USP33: variants seen among roughly 807,000 people sequenced by gnomAD.
The protein encoded by USP33 is ubiquitin specific peptidase 33, also known as ubiquitin carboxyl-terminal hydrolase 33.
In USP33, 46 loss-of-function variants were observed where a neutral mutation model predicts 124.2. The ratio of observed to expected loss-of-function variants is 0.37; its 90% CI spans 0.29 to 0.47. USP33 has a LOEUF of 0.47. Ranked by LOEUF, USP33 falls within the 20% of genes least tolerant of loss-of-function variation. USP33 has a pLI of 0.99. For synonymous variants in USP33, 350 were observed against 352.3 expected, an observed-to-expected ratio of 0.99 and a Z score of 0.07; for missense variants, 851 against 1,070.6, an observed-to-expected ratio of 0.79 and a Z score of 2.86.
Position 77,747,240 on chromosome 1 carries a change from CTTTTTT to C in USP33, c.-51-5498_-51-5493del, listed in dbSNP as rs752560478. Among the ~76,000 whole-genome samples the C allele has an allele frequency of 1.6e-4, 17 of 103,862 alleles. No homozygotes were observed. In the East Asian group the frequency reaches 2.1e-3, roughly 13 times the overall value. 68.1% of individuals were successfully genotyped at this position (103,862 alleles called of 152,430 possible). A position where few individuals can be genotyped will look rare whatever the true frequency, so the allele number is the denominator to read the frequency against. ...AAGGATTTATTTCTGGGCTTCTGGG[CTTTTTT>C]TTTTTTTTTTTTTTTTAAAGAGATG... On this transcript the variant is annotated intron_variant, in intron 1 of 23. Transcript: ENST00000370794.
chr1:77,711,681 T>C, intron 21 of USP33, 66 bp downstream of exon 21: 2 of 1,566,630 alleles, frequency 1.3e-6, no homozygotes, highest in Non-Finnish European at 1.7e-6. Context: ...TAATATCATA[T>C]AACTCTGATA....
Position 77,711,855 on chromosome 1 carries a change from C to A in USP33, c.2298G>T (p.Arg766Ser), listed in dbSNP as rs763038441. The A allele has an allele frequency of 6.3e-7, 1 of 1,585,486 alleles. No individual in the cohort carries two copies. The highest frequency in any genetic ancestry group is 8.5e-7 in the Non-Finnish European group (1 of 1,172,334). The change falls in exon 21 of 24, where the codon AGG becomes AGT. Residue 766 changes from arginine to serine, a missense_variant and splice_region_variant. Physicochemically the swap from Arg to Ser is moderately radical, Grantham distance 110. Transcript: ENST00000370794. ...PQNIWDNLYS[R>S]YGGGPAVNHL... ...GGTTGACAGCTGGTCCTCCACCATA[C>A]CTAAAGCATGAAAAATTTAAGAATT...
At chr1:77,754,746 A>C (rs986504372) in intron 1 of USP33, among the ~76,000 whole-genome samples, 1 of 152,242 alleles carries the variant, frequency 6.6e-6, no homozygotes, top group African/African-American at 2.4e-5. Flanking sequence ...AATTAATGAG[A>C]GCCTTAAGGC....
chr1:77,733,111 C>T lies in USP33; in HGVS notation c.524+1236G>A, dbSNP rs375466915. 3.3e-5 allele frequency among the ~76,000 whole-genome samples: 5 copies of T among 151,582 alleles called. No homozygotes were observed. The East Asian group carries it at 7.9e-4, about 24-fold the overall frequency. The stretch of plus-strand genomic sequence containing the variant: ...CCTGGCCTAAATGTCTCTTCTTTAA[C>T]GTCCGAGCACAGTGGCCCATGCCTA... On this transcript the variant is annotated intron_variant, in intron 7 of 23. Coordinates refer to ENST00000370794, the MANE Select transcript of USP33 (RefSeq NM_201624.3).
intron 20 of USP33, 41 bp downstream of exon 20, chr1:77,713,159 C>T (rs749833338): frequency 1.6e-5 from 24 of 1,540,708 alleles, no homozygotes; most frequent in Middle Eastern, 1.7e-4. Flanking sequence ...CCAGTTTAAC[C>T]GACTTTCACA....
At chr1:77,730,091 A>G (rs1246534768) in intron 8 of USP33, among the ~76,000 whole-genome samples, 153 bp from the exon 9 acceptor site, 1 of 152,252 alleles carries the variant, frequency 6.6e-6, no homozygotes. Flanking sequence ...TCACAGGCAC[A>G]TCAGAACACC....
chr1:77,711,001 C>T (rs1451318130), intron 21 of USP33, among the ~76,000 whole-genome samples: 2 of 152,214 alleles, frequency 1.3e-5, no homozygotes, highest in African/African-American at 4.8e-5. Context: ...AATTAAGGGA[C>T]ACCTCATAAT....
intron 1 of USP33, among the ~76,000 whole-genome samples, chr1:77,756,666 C>A (rs927725502): frequency 1.3e-5 from 2 of 152,180 alleles, no homozygotes; most frequent in South Asian, 4.1e-4. Context: ...GGCAGTTATA[C>A]AAAAATCTCC....
intron 15 of USP33, among the ~76,000 whole-genome samples, chr1:77,718,926 C>CAAAA (rs1049500513): frequency 7.6e-4 from 39 of 51,104 alleles, no homozygotes; most frequent in South Asian, 1.5e-3. Flanking sequence ...GACCCTGCCT[C>CAAAA]AAAAAAAAAA....
chr1:77,727,359 C>T lies in USP33; in HGVS notation c.1135+936G>A, dbSNP rs181539627. On this transcript the variant is annotated intron_variant, in intron 10 of 23. Transcript: ENST00000370794. ...TGAGTATGTCCCTAATCAGGCTTAA[C>T]TGGGCTTTTGACAAGAAAAGCCTGG... Among the ~76,000 whole-genome samples the T allele has an allele frequency of 4.5e-4, 69 of 152,292 alleles. 1 individual carries two copies. Among genetic ancestry groups the T allele is most frequent in the Non-Finnish European group, 5.9e-5 (4 of 68,030 alleles).
At chr1:77,712,449 G>A (rs1223934550) in intron 20 of USP33, among the ~76,000 whole-genome samples, 1 of 152,086 alleles carries the variant, frequency 6.6e-6, no homozygotes, top group Admixed American at 6.5e-5. Flanking sequence ...CTTGAAACTG[G>A]GAGGCAGAGG....
Position 77,700,700 on chromosome 1 carries a change from T to C in USP33, c.2509+669A>G, listed in dbSNP as rs909206129. ...AGCCTTTTTCACATATCAGAATCTT[T>C]TTTTTTTTTTTTTTTTTAAAGACAA... On this transcript the variant is annotated intron_variant, in intron 22 of 23. Transcript: ENST00000370794. 2.6e-4 allele frequency among the ~76,000 whole-genome samples: 39 copies of C among 149,956 alleles called. No homozygotes were observed. In the East Asian group the frequency reaches 5.9e-3, roughly 23 times the overall value.
At chr1:77,749,811 G>C (rs936923967) in intron 1 of USP33, among the ~76,000 whole-genome samples, 8 of 152,132 alleles carry the variant, frequency 5.3e-5, no homozygotes, top group Non-Finnish European at 1.0e-4. Flanking sequence ...TCTTCTCACT[G>C]CTTTTTAGGC....
At chr1:77,698,134 C>T (rs1210406638) in intron 22 of USP33, among the ~76,000 whole-genome samples, 1 of 150,432 alleles carries the variant, frequency 6.6e-6, no homozygotes, top group African/African-American at 2.5e-5. Flanking sequence ...GGCACCATCA[C>T]AGCTCACTGC....
At chr1:77,757,707 A>G (rs1040633859) in intron 1 of USP33, among the ~76,000 whole-genome samples, 2 of 152,218 alleles carry the variant, frequency 1.3e-5, no homozygotes, top group African/African-American at 4.8e-5. Context: ...ACAGTGCTCC[A>G]ATCTTAATCT....
At chr1:77,699,520 A>G (rs1488743110) in intron 22 of USP33, among the ~76,000 whole-genome samples, 1 of 152,116 alleles carries the variant, frequency 6.6e-6, no homozygotes, top group African/African-American at 2.4e-5. Flanking sequence ...CTTTTTCAAA[A>G]AAAAGAGAGA....
intron 15 of USP33, among the ~76,000 whole-genome samples, chr1:77,719,355 C>T (rs1676293718): frequency 6.6e-6 from 1 of 152,006 alleles, no homozygotes; most frequent in Non-Finnish European, 1.5e-5. Flanking sequence ...AAGACTCCAT[C>T]TCAAAAAATA....
At chr1:77,751,315 C>T (rs1413223326) in intron 1 of USP33, among the ~76,000 whole-genome samples, 1 of 152,190 alleles carries the variant, frequency 6.6e-6, no homozygotes, top group Non-Finnish European at 1.5e-5. Context: ...CTATGATGTA[C>T]AGCTCCGGTG....
At position 77,725,640 on chromosome 1, in the gene USP33, C is replaced by T. The variant is rs199605065; in HGVS notation, c.1258G>A (p.Ala420Thr). 15 of 1,613,910 alleles carry T rather than the reference C, an allele frequency of 9.3e-6. No individual in the cohort carries two copies. In the Admixed American group the frequency reaches 1.5e-4, roughly 16 times the overall value. ...PKSGNLWPGLAPPHKKAQSAS... is the reference protein window; with the variant it reads ...PKSGNLWPGLTPPHKKAQSAS... The stretch of plus-strand genomic sequence containing the variant: ...GTTTTACCTTTTTTGTGTGGTGGTG[C>T]CAATCCTGGCCACAAATTGCCTGAT... The change falls in exon 11 of 24, where the codon GCA (alanine) becomes ACA (threonine). Residue 420 changes from alanine (A) to threonine (T), a missense_variant. Coordinates refer to ENST00000370794, the MANE Select transcript of USP33 (RefSeq NM_201624.3).
Sources: allele counts gnomAD v4.1 joint callset (sites outside exome capture counted in the v4.1 genomes callset), GRCh38; gene constraint gnomAD v4.1.1; transcripts MANE v1.5; gene names NCBI Gene and HGNC (gene_info 2026-07-23, HGNC 2026-07-21).